The following ANKMY1 variants were observed in gnomAD, a reference collection of about 807,000 sequenced individuals.
ANKMY1 encodes ankyrin repeat and MYND domain-containing protein 1.
A neutral mutation model predicts 102.0 loss-of-function variants in ANKMY1; 98 were observed. That is an observed-to-expected ratio of 0.96 (90% CI 0.82 to 1.14). The LOEUF (loss-of-function observed/expected upper bound fraction) is 1.14. Among genes scored for constraint, ANKMY1 ranks in the 50% most tolerant of loss-of-function variants. The pLI is 0.00. For synonymous variants in ANKMY1, 582 were observed against 559.9 expected (o/e 1.04, Z -0.56); for missense variants, 1,330 against 1,347.6 (o/e 0.99, Z 0.20).
At chr2:240,555,363 C>G (rs144711480) in intron 2 of ANKMY1, 1 of 384,490 alleles carries the variant, frequency 2.6e-6, no homozygotes, top group Non-Finnish European at 4.8e-6. Flanking sequence ...CTCCTGAGAT[C>G]GATGGCCCTC....
intron 9 of ANKMY1, among the ~76,000 whole-genome samples, chr2:240,517,307 C>T (rs1198886515): frequency 6.6e-6 from 1 of 152,250 alleles, no homozygotes; most frequent in Non-Finnish European, 1.5e-5. Context: ...TGCACACTTC[C>T]GGGCATGTGG....
intron 10 of ANKMY1, among the ~76,000 whole-genome samples, chr2:240,512,438 G>A (rs79667746): frequency 0.035 from 5,344 of 152,314 alleles, 130 homozygotes; most frequent in South Asian, 0.08. Context: ...GGATGGCTTC[G>A]GCCTGGAGGA....
chr2:240,554,647 T>A, intron 3 of ANKMY1: 1 of 547,140 alleles, frequency 1.8e-6, no homozygotes, highest in Non-Finnish European at 3.3e-6. Context: ...AAGTCACAGC[T>A]TCCCAAACCT....
intron 15 of ANKMY1, among the ~76,000 whole-genome samples, chr2:240,486,257 A>G (rs1386565363): frequency 6.6e-6 from 1 of 152,186 alleles, no homozygotes; most frequent in Admixed American, 6.5e-5. Flanking sequence ...ATTGCCAAAT[A>G]TAATACATTT....
downstream of ANKMY1, among the ~76,000 whole-genome samples, chr2:240,477,265 A>C (rs906098487): frequency 9.2e-5 from 14 of 152,212 alleles, no homozygotes; most frequent in Admixed American, 8.5e-4. Context: ...GCAGTGAGCC[A>C]AGACCCTGCC....
intron 4 of ANKMY1, among the ~76,000 whole-genome samples, chr2:240,531,845 T>G (rs1412966929): frequency 2.0e-5 from 3 of 152,220 alleles, no homozygotes; most frequent in Non-Finnish European, 4.4e-5. Context: ...CAAAATTCAC[T>G]GAGTTGGTTA....
intron 9 of ANKMY1, among the ~76,000 whole-genome samples, chr2:240,517,423 G>A (rs2081377754): frequency 6.6e-6 from 1 of 152,182 alleles, no homozygotes; most frequent in Non-Finnish European, 1.5e-5. Context: ...AGGTACAGAT[G>A]GATCCTTGGC....
intron 11 of ANKMY1, among the ~76,000 whole-genome samples, chr2:240,511,164 C>T (rs893785836): frequency 6.6e-6 from 1 of 152,188 alleles, no homozygotes; most frequent in Non-Finnish European, 1.5e-5. Context: ...CAGTGTCACC[C>T]GCATGCCCAC....
At chr2:240,491,400 A>T (rs941633202) in intron 15 of ANKMY1, among the ~76,000 whole-genome samples, 2 of 152,084 alleles carry the variant, frequency 1.3e-5, no homozygotes, top group African/African-American at 4.8e-5. Context: ...TCATTGTTTC[A>T]TATACTTCTT....
chr2:240,532,287 T>C (rs1319595709), intron 4 of ANKMY1, among the ~76,000 whole-genome samples: 2 of 152,114 alleles, frequency 1.3e-5, no homozygotes, highest in African/African-American at 4.8e-5. Context: ...CTCAAGAAAA[T>C]AACTGTCAAC....
chr2:240,491,375 C>T (rs2076636874), intron 15 of ANKMY1, among the ~76,000 whole-genome samples: 1 of 152,042 alleles, frequency 6.6e-6, no homozygotes, highest in African/African-American at 2.4e-5. Flanking sequence ...GCTTTGTTCC[C>T]GTCATGTTGT....
chr2:240,499,028 T>A lies in ANKMY1; in HGVS notation c.2806+930A>T, dbSNP rs1346681496. On this transcript the variant is annotated intron_variant, in intron 15 of 17. Coordinates refer to ENST00000401804, the MANE Select transcript of ANKMY1 (RefSeq NM_001282771.3). This position sits in a 1 kb window ranked among gnomAD's most constrained non-coding sequence, Gnocchi z 4.2. ...CTAATTACCCAGTCTCAGGTGTTCCTTTACAGCAACGCAAACGGACTAACA... is the reference window on the plus strand; with the variant it reads ...CTAATTACCCAGTCTCAGGTGTTCCATTACAGCAACGCAAACGGACTAACA... Among the ~76,000 whole-genome samples the A allele has an allele frequency of 1.3e-5, 2 of 152,176 alleles. No homozygotes were observed. The highest frequency in any genetic ancestry group is 4.8e-5 in the African/African-American group (2 of 41,440).
At chr2:240,552,823 A>T in intron 4 of ANKMY1, 91 bp downstream of exon 4, 1 of 1,590,096 alleles carries the variant, frequency 6.3e-7, no homozygotes, top group Non-Finnish European at 8.6e-7. Context: ...TAAACAAATA[A>T]ACTTCCCCAG....
chr2:240,483,102 G>A (rs1369695834), intron 15 of ANKMY1, among the ~76,000 whole-genome samples: 2 of 151,868 alleles, frequency 1.3e-5, no homozygotes, highest in African/African-American at 2.4e-5. Context: ...GCCTTCTTGT[G>A]ATTGCTGTTC....
At position 240,499,337 on chromosome 2, in the gene ANKMY1, G is replaced by A. The variant is rs1246758286; in HGVS notation, c.2806+621C>T. On this transcript the variant is annotated intron_variant, in intron 15 of 17. Transcript: ENST00000401804. The surrounding 1 kb of genome is among the most constrained non-coding windows in gnomAD (Gnocchi z 4.2). ...GTAAATGTGAGGGTGGGAACATGAG[G>A]GGGTATGTGGGGGTGGGGGTGAGTA... 6.8e-6 allele frequency among the ~76,000 whole-genome samples: 1 copy of A among 146,044 alleles called. No homozygotes were observed. The highest frequency in any genetic ancestry group is 1.5e-5 in the Non-Finnish European group (1 of 66,158).
chr2:240,517,654 T>A (rs2081419696), intron 9 of ANKMY1, among the ~76,000 whole-genome samples: 1 of 149,714 alleles, frequency 6.7e-6, no homozygotes, highest in Non-Finnish European at 1.5e-5. Context: ...TACAAAAAAA[T>A]TTAAAAATTA....
At chr2:240,523,860 C>A (rs746600736) in intron 8 of ANKMY1, 25 bp downstream of exon 8, 33 of 1,602,000 alleles carry the variant, frequency 2.1e-5, no homozygotes, top group Non-Finnish European at 2.6e-5. Flanking sequence ...GCCCTCCACC[C>A]CCACCAGCTG....
intron 13 of ANKMY1, among the ~76,000 whole-genome samples, chr2:240,505,902 AAC>A (rs998343528): frequency 1.3e-5 from 2 of 152,152 alleles, no homozygotes; most frequent in Non-Finnish European, 2.9e-5. Context: ...CACAGCACAC[AAC>A]AGTCAGAGAT....
chr2:240,528,549 C>T (rs2084439928), intron 5 of ANKMY1, among the ~76,000 whole-genome samples: 1 of 152,134 alleles, frequency 6.6e-6, no homozygotes. Context: ...CGAGAGGAGA[C>T]TTGGCCCATA....
Sources: gnomAD v4.1 joint callset for allele counts (sites outside exome capture counted in the v4.1 genomes callset) on GRCh38, gnomAD v4.1.1 for gene constraint, Gnocchi (gnomAD v3.1) non-coding constraint, MANE v1.5 for transcripts, NCBI Gene and HGNC (gene_info 2026-07-23, HGNC 2026-07-21) for gene names.